CDK6: variants seen among roughly 807,000 people sequenced by gnomAD.
The protein encoded by CDK6 is cyclin-dependent kinase 6.
Under a neutral mutation model 37.1 loss-of-function variants are expected in CDK6, and 6 were observed. That is an observed-to-expected ratio of 0.16 (90% CI 0.09 to 0.32). The LOEUF (loss-of-function observed/expected upper bound fraction) is 0.32, where lower values mean the gene tolerates loss of function less well. Ranked by LOEUF, CDK6 falls within the 10% of genes least tolerant of loss-of-function variation. The probability of loss-of-function intolerance (pLI) is 1.00; values close to 1 mark genes in which losing one functional copy is unlikely to be tolerated. For missense variants in CDK6, 224 were observed against 418.9 expected (o/e 0.53, Z 4.06); for synonymous variants, 160 against 161.3 (o/e 0.99, Z 0.06).
intron 4 of CDK6, among the ~76,000 whole-genome samples, chr7:92,702,265 C>T (rs1158867891): frequency 3.4e-5 from 3 of 87,486 alleles, no homozygotes; most frequent in Non-Finnish European, 6.1e-5. Flanking sequence ...CAGAGTCTTA[C>T]TCTGTCGCCC....
At chr7:92,742,151 T>C (rs1370355844) in intron 3 of CDK6, among the ~76,000 whole-genome samples, 2 of 152,202 alleles carry the variant, frequency 1.3e-5, no homozygotes, top group Admixed American at 6.5e-5. Flanking sequence ...AAATCAATAA[T>C]GTCCTCTCAG....
At chr7:92,692,238 C>T (rs747152804) in intron 4 of CDK6, among the ~76,000 whole-genome samples, 3 of 151,744 alleles carry the variant, frequency 2.0e-5, no homozygotes, top group Admixed American at 6.6e-5. Context: ...TGCACTCCAG[C>T]CTGAACAAGA....
chr7:92,693,033 C>T (rs1327751428), intron 4 of CDK6, among the ~76,000 whole-genome samples: 1 of 151,966 alleles, frequency 6.6e-6, no homozygotes, highest in African/African-American at 2.4e-5. Context: ...CTTCTTGTAC[C>T]CTTCTCAGTT....
intron 4 of CDK6, among the ~76,000 whole-genome samples, chr7:92,701,471 T>A (rs1405344569): frequency 1.3e-5 from 2 of 151,736 alleles, no homozygotes; most frequent in Non-Finnish European, 2.9e-5. Flanking sequence ...AGTGGTGCGA[T>A]CTCCACTCAC....
chr7:92,676,796 T>C (rs984600674), intron 4 of CDK6, among the ~76,000 whole-genome samples: 2 of 152,008 alleles, frequency 1.3e-5, no homozygotes, highest in Non-Finnish European at 2.9e-5. Flanking sequence ...TTCACTGACT[T>C]TTCACAGAGT....
At chr7:92,799,831 T>A (rs1800523119) in intron 2 of CDK6, among the ~76,000 whole-genome samples, 1 of 152,226 alleles carries the variant, frequency 6.6e-6, no homozygotes, top group Admixed American at 6.5e-5. Context: ...GATTCCTATC[T>A]GGATGGAGCT....
intron 5 of CDK6, among the ~76,000 whole-genome samples, chr7:92,662,271 T>A (rs1336379634): frequency 3.3e-5 from 5 of 152,176 alleles, no homozygotes; most frequent in Admixed American, 3.3e-4. Context: ...TTCGAGGGCT[T>A]CACTCATCTT....
chr7:92,649,549 T>C (rs976441804), intron 5 of CDK6, among the ~76,000 whole-genome samples: 91 of 152,210 alleles, frequency 6.0e-4, no homozygotes, highest in African/African-American at 2.1e-3. Context: ...ATAACAATCA[T>C]AGTTATAGCT....
intron 2 of CDK6, among the ~76,000 whole-genome samples, chr7:92,790,584 G>A (rs1230337166): frequency 6.6e-6 from 1 of 152,094 alleles, no homozygotes; most frequent in African/African-American, 2.4e-5. Flanking sequence ...GAGTCTAGTG[G>A]GAAAAGTAGA....
intron 2 of CDK6, among the ~76,000 whole-genome samples, chr7:92,793,524 A>T (rs1800332168): frequency 6.6e-6 from 1 of 152,134 alleles, no homozygotes; most frequent in African/African-American, 2.4e-5. Context: ...TCAACAAATG[A>T]TGCTGGGATA....
Position 92,611,817 on chromosome 7 carries a change from C to T in CDK6, c.*3323G>A, listed in dbSNP as rs971564092. 1.7e-5 allele frequency: 4 copies of T among 231,244 alleles called. No individual in the cohort carries two copies. Among genetic ancestry groups the T allele is most frequent in the Non-Finnish European group, 2.6e-5 (3 of 116,930 alleles). 14.3% of individuals were successfully genotyped at this position (231,244 alleles called of 1,614,324 possible). A position where few individuals can be genotyped will look rare whatever the true frequency, so the allele number is the denominator to read the frequency against. On this transcript the variant is annotated 3_prime_UTR_variant, in exon 8 of 8. Coordinates refer to ENST00000424848, the MANE Select transcript of CDK6 (RefSeq NM_001145306.2). ...CTATTCTTAGGTGAATAATTTTCAACTATTTTTAGTAAGTCACCTGGGGCT... is the reference window on the plus strand; with the variant it reads ...CTATTCTTAGGTGAATAATTTTCAATTATTTTTAGTAAGTCACCTGGGGCT...
intron 5 of CDK6, among the ~76,000 whole-genome samples, chr7:92,626,837 G>A (rs1488497888): frequency 6.6e-6 from 1 of 152,024 alleles, no homozygotes; most frequent in Non-Finnish European, 1.5e-5. Flanking sequence ...AGGTGGTGGG[G>A]AGAGGAGATT....
At chr7:92,753,291 A>T (rs1409729185) in intron 3 of CDK6, among the ~76,000 whole-genome samples, 1 of 152,146 alleles carries the variant, frequency 6.6e-6, no homozygotes, top group Non-Finnish European at 1.5e-5. Flanking sequence ...GTAAGACCAG[A>T]GATCCCATAA....
chr7:92,683,489 G>C (rs2282987), intron 4 of CDK6, among the ~76,000 whole-genome samples: 6,049 of 152,244 alleles, frequency 0.04, 417 homozygotes, highest in East Asian at 0.33. Context: ...AAAATTCCAT[G>C]AGCACTGCCT....
At chr7:92,701,935 C>T (rs1262640024) in intron 4 of CDK6, 5 of 152,200 alleles carry the variant, frequency 3.3e-5, no homozygotes, top group African/African-American at 1.2e-4. Context: ...TTTTTGAGCA[C>T]ATACTCGTTG....
rs369909449 is a variant in CDK6, at chr7:92,811,418, C to A, written c.233+21673G>T. ...ACGCCCTCCTTACCGTGTGTAAAAA[C>A]AAAATGAAAAGATTCTTTCTTGGCC... is the stretch of plus-strand genomic sequence containing the variant. On this transcript the variant is annotated intron_variant, in intron 2 of 7. Coordinates refer to ENST00000424848, the MANE Select transcript of CDK6 (RefSeq NM_001145306.2). 3.5e-3 allele frequency among the ~76,000 whole-genome samples: 538 copies of A among 152,122 alleles called. 1 individual carries two copies. Among genetic ancestry groups the A allele is most frequent in the African/African-American group, 0.01 (432 of 41,490 alleles).
At chr7:92,789,057 T>C (rs1800216707) in intron 2 of CDK6, among the ~76,000 whole-genome samples, 2 of 152,048 alleles carry the variant, frequency 1.3e-5, no homozygotes, top group South Asian at 4.1e-4. Context: ...GCCCAGAAGT[T>C]TGAGGCTACA....
intron 2 of CDK6, among the ~76,000 whole-genome samples, chr7:92,786,828 G>T (rs2115837937): frequency 6.6e-6 from 1 of 151,826 alleles, no homozygotes; most frequent in Non-Finnish European, 1.5e-5. Flanking sequence ...TTTTAAAAAT[G>T]CAAGTTTCAA....
chr7:92,746,633 A>G (rs781714269), intron 3 of CDK6, among the ~76,000 whole-genome samples: 1 of 152,148 alleles, frequency 6.6e-6, no homozygotes, highest in Non-Finnish European at 1.5e-5. Context: ...AATCCAAAAC[A>G]CAGTTCTGGT....
Sources: gnomAD v4.1 joint callset for allele counts (sites outside exome capture counted in the v4.1 genomes callset) on GRCh38, gnomAD v4.1.1 for gene constraint, MANE v1.5 for transcripts, NCBI Gene and HGNC (gene_info 2026-07-23, HGNC 2026-07-21) for gene names.